The following MSRB3 variants were observed in gnomAD, a reference collection of about 807,000 sequenced individuals.
The protein encoded by MSRB3 is methionine-R-sulfoxide reductase B3.
MSRB3 carries 13 observed loss-of-function variants against 21.0 expected under a neutral mutation model. The ratio of observed to expected loss-of-function variants is 0.62; its 90% CI spans 0.40 to 0.98. The LOEUF (loss-of-function observed/expected upper bound fraction) is 0.98, where lower values mean the gene tolerates loss of function less well. MSRB3 is among the 50% of genes least tolerant of loss of function. The pLI is 0.00. For missense variants in MSRB3, 199 were observed against 230.3 expected (o/e 0.86, Z 0.88); for synonymous variants, 87 against 88.6 (o/e 0.98, Z 0.10).
chr12:65,447,908 AGTTGTGT>A (rs1882693017), intron 5 of MSRB3, among the ~76,000 whole-genome samples: 1 of 152,236 alleles, frequency 6.6e-6, no homozygotes, highest in African/African-American at 2.4e-5. Flanking sequence ...AAGTTTGTAC[AGTTGTGT>A]AATAAAGTCA....
intron 5 of MSRB3, among the ~76,000 whole-genome samples, chr12:65,403,532 C>T (rs898490724): frequency 1.3e-5 from 2 of 152,188 alleles, no homozygotes; most frequent in South Asian, 4.1e-4. Context: ...TGGATCTTAA[C>T]TTGCTGGGCT....
At chr12:65,417,881 T>C (rs758220066) in intron 5 of MSRB3, among the ~76,000 whole-genome samples, 7 of 152,256 alleles carry the variant, frequency 4.6e-5, no homozygotes, top group Non-Finnish European at 8.8e-5. Context: ...TCCATTTATC[T>C]ACTGATGGAC....
At chr12:65,359,681 C>T (rs1222074371) in intron 4 of MSRB3, among the ~76,000 whole-genome samples, 1 of 152,142 alleles carries the variant, frequency 6.6e-6, no homozygotes, top group Non-Finnish European at 1.5e-5. Context: ...GCAGAAGCAG[C>T]TGCCCAATGG....
chr12:65,409,742 G>A lies in MSRB3; in HGVS notation c.292+40716G>A, dbSNP rs150516357. 8.4e-3 allele frequency among the ~76,000 whole-genome samples: 1,276 copies of A among 152,094 alleles called. 19 individuals are homozygous for A. The highest frequency in any genetic ancestry group is 0.029 in the African/African-American group (1,224 of 41,492). The stretch of plus-strand genomic sequence containing the variant: ...ATACTTCAAAGCCATATTATCAAGA[G>A]TTATCTAGATTTATTATAAAAATAA... On this transcript the variant is annotated intron_variant, in intron 5 of 6. Coordinates refer to ENST00000308259, the MANE Select transcript of MSRB3 (RefSeq NM_001031679.3).
At chr12:65,390,792 T>G (rs1879442530) in intron 5 of MSRB3, among the ~76,000 whole-genome samples, 2 of 152,210 alleles carry the variant, frequency 1.3e-5, no homozygotes, top group Non-Finnish European at 2.9e-5. Flanking sequence ...TGTTGGATTT[T>G]AATGGTAGTT....
intron 4 of MSRB3, chr12:65,344,159 A>C (rs1335530841): frequency 6.6e-6 from 1 of 152,130 alleles, no homozygotes; most frequent in African/African-American, 2.4e-5. Context: ...TGGTATACAC[A>C]GTAGTTTTCA....
At chr12:65,353,348 G>T (rs888079203) in intron 4 of MSRB3, among the ~76,000 whole-genome samples, 43 of 152,088 alleles carry the variant, frequency 2.8e-4, no homozygotes, top group African/African-American at 9.7e-4. Flanking sequence ...CATTATTATT[G>T]TGTGGGAGTC....
intron 5 of MSRB3, among the ~76,000 whole-genome samples, chr12:65,407,067 A>T (rs1880453071): frequency 6.6e-6 from 1 of 152,218 alleles, no homozygotes; most frequent in Non-Finnish European, 1.5e-5. Context: ...GGGCTAAGAC[A>T]CTATACTAAT....
intron 2 of MSRB3, among the ~76,000 whole-genome samples, chr12:65,325,047 A>G (rs948819353): frequency 1.3e-5 from 2 of 152,234 alleles, no homozygotes; most frequent in Admixed American, 6.5e-5. Flanking sequence ...AGTATTAACT[A>G]AGATACAACC....
At chr12:65,333,954 T>C (rs532719783) in intron 4 of MSRB3, among the ~76,000 whole-genome samples, 5 of 152,194 alleles carry the variant, frequency 3.3e-5, no homozygotes, top group Non-Finnish European at 5.9e-5. Context: ...GAAAATGAGA[T>C]GTAAGCCATA....
In MSRB3 at chr12:65,278,702, C is replaced by T; in HGVS notation, c.-215C>T. The T allele has an allele frequency of 7.2e-7, 1 of 1,398,342 alleles. No individual in the cohort carries two copies. Among genetic ancestry groups the T allele is most frequent in the Non-Finnish European group, 9.9e-7 (1 of 1,014,706 alleles). The allele number at this position is 1,398,342 out of a possible 1,614,324, so 86.6% of individuals were successfully genotyped here. ...CCCGTCATGCCTCCCGCCGCCCCGT[C>T]CGTCGCCCGGAGCCGGGGAGGGAGG... is the stretch of plus-strand genomic sequence containing the variant. On this transcript the variant is annotated 5_prime_UTR_variant, in exon 1 of 7. Transcript: ENST00000308259.
At chr12:65,417,088 C>A (rs1278553313) in intron 5 of MSRB3, among the ~76,000 whole-genome samples, 1 of 152,126 alleles carries the variant, frequency 6.6e-6, no homozygotes, top group Non-Finnish European at 1.5e-5. Flanking sequence ...TTCTAGAAGA[C>A]CCTCTTTACT....
chr12:65,291,247 G>C, intron 1 of MSRB3, among the ~76,000 whole-genome samples: 1 of 151,838 alleles, frequency 6.6e-6, no homozygotes, highest in Non-Finnish European at 1.5e-5. Flanking sequence ...CACCATGTCT[G>C]GGTAATCTTT....
intron 4 of MSRB3, among the ~76,000 whole-genome samples, chr12:65,357,915 T>G (rs73320404): frequency 0.026 from 4,021 of 152,032 alleles, 191 homozygotes; most frequent in African/African-American, 0.092. Context: ...GTTTGTTAGG[T>G]TTCTTCACTG....
At chr12:65,380,998 C>G (rs750281889) in intron 5 of MSRB3, among the ~76,000 whole-genome samples, 5 of 152,116 alleles carry the variant, frequency 3.3e-5, no homozygotes, top group African/African-American at 1.2e-4. Context: ...TCTCCCCCTC[C>G]AAGTAGTTAC....
chr12:65,327,216 C>T (rs1173003507), intron 3 of MSRB3, among the ~76,000 whole-genome samples: 1 of 152,146 alleles, frequency 6.6e-6, no homozygotes, highest in African/African-American at 2.4e-5. Context: ...GAAGTAACAG[C>T]GATTTAGGTA....
intron 1 of MSRB3, among the ~76,000 whole-genome samples, chr12:65,289,512 A>G (rs992859642): frequency 3.9e-5 from 6 of 152,004 alleles, no homozygotes; most frequent in African/African-American, 1.5e-4. Context: ...AAATAAATAA[A>G]AGTTATCATC....
chr12:65,374,499 TA>T (rs1878491538), intron 5 of MSRB3, among the ~76,000 whole-genome samples: 2 of 152,190 alleles, frequency 1.3e-5, no homozygotes, highest in South Asian at 4.1e-4. Context: ...GACTAAAACT[TA>T]AATCTAAATG....
At chr12:65,460,345 G>C (rs1004501586) in intron 6 of MSRB3, among the ~76,000 whole-genome samples, 1 of 152,206 alleles carries the variant, frequency 6.6e-6, no homozygotes, top group Non-Finnish European at 1.5e-5. Context: ...TACTCTCAGG[G>C]AGGAGCCTTC....
Sources: gnomAD v4.1 joint callset for allele counts (sites outside exome capture counted in the v4.1 genomes callset) on GRCh38, gnomAD v4.1.1 for gene constraint, MANE v1.5 for transcripts, NCBI Gene and HGNC (gene_info 2026-07-23, HGNC 2026-07-21) for gene names.